The following MCF2L variants were observed in gnomAD, a reference collection of about 807,000 sequenced individuals.
MCF2L encodes the protein guanine nucleotide exchange factor DBS.
A neutral mutation model predicts 153.4 loss-of-function variants in MCF2L; 97 were observed. That is an observed-to-expected ratio of 0.63 (90% CI 0.54 to 0.75). The LOEUF is 0.75. Ranked by LOEUF, MCF2L falls within the 30% of genes least tolerant of loss-of-function variation. The pLI is 0.00. For missense variants in MCF2L, 1,347 were observed against 1,495.2 expected, an observed-to-expected ratio of 0.90 and a Z score of 1.64; for synonymous variants, 659 against 632.2, an observed-to-expected ratio of 1.04 and a Z score of -0.64.
chr13:113,095,655 G>A (rs933026218), intron 27 of MCF2L: 1 of 993,042 alleles, frequency 1.0e-6, no homozygotes, highest in African/African-American at 1.7e-5. Flanking sequence ...TCCTGCTCCA[G>A]GCCATCACGT....
rs61168799 is a variant in MCF2L at position 112,942,884 on chromosome 13, A to T, written c.169+40513A>T. 8.4e-3 allele frequency among the ~76,000 whole-genome samples: 1,283 copies of T among 152,220 alleles called. 23 individuals are homozygous for T. The highest frequency in any genetic ancestry group is 0.029 in the African/African-American group (1,202 of 41,540). On this transcript the variant is annotated intron_variant, in intron 2 of 29. Coordinates refer to the MCF2L transcript ENST00000375608. Reference sequence around the variant, plus strand: ...AAGTCCTTCTCCGCACCATCCCCACATGCCAGCAGAGGGTGCTGTTGGGCA... The same window carrying T: ...AAGTCCTTCTCCGCACCATCCCCACTTGCCAGCAGAGGGTGCTGTTGGGCA...
At chr13:113,048,671 TGA>T (rs1420640744) in intron 4 of MCF2L, among the ~76,000 whole-genome samples, 1 of 152,118 alleles carries the variant, frequency 6.6e-6, no homozygotes, top group African/African-American at 2.4e-5. Context: ...CTCAATCTCC[TGA>T]CCTCGTGATC....
intron 2 of MCF2L, among the ~76,000 whole-genome samples, chr13:112,922,172 A>C (rs2081359672): frequency 6.6e-6 from 1 of 152,182 alleles, no homozygotes. Context: ...AAACTCAATA[A>C]ATTTGAAAGC....
At chr13:112,900,521 A>G (rs1222062817) in intron 1 of MCF2L, among the ~76,000 whole-genome samples, 1 of 152,206 alleles carries the variant, frequency 6.6e-6, no homozygotes, top group Non-Finnish European at 1.5e-5. Flanking sequence ...TGAGTTGAAC[A>G]CTGAGGGGTG....
intron 1 of MCF2L, chr13:113,001,822 A>G: frequency 6.8e-7 from 1 of 1,466,604 alleles, no homozygotes; most frequent in Non-Finnish European, 9.0e-7. Flanking sequence ...TTCGCGGCCA[A>G]GATGGTGCTG....
At chr13:112,937,146 T>C (rs1442234946) in intron 2 of MCF2L, among the ~76,000 whole-genome samples, 1 of 152,168 alleles carries the variant, frequency 6.6e-6, no homozygotes, top group Non-Finnish European at 1.5e-5. Context: ...CTCTGCCTCC[T>C]GGGCTCAAGC....
intron 2 of MCF2L, among the ~76,000 whole-genome samples, chr13:113,019,136 A>G (rs1379628383): frequency 1.3e-5 from 2 of 151,886 alleles, no homozygotes; most frequent in East Asian, 3.9e-4. Flanking sequence ...CTCCCACCCC[A>G]TTTCGGTTTT....
At chr13:113,089,825 G>A (rs4907483) in intron 26 of MCF2L, 97 bp downstream of exon 26, 1,154,123 of 1,609,014 alleles carry the variant, frequency 0.72, 419,365 homozygotes, top group Non-Finnish European at 0.74. Context: ...TTCCTGCAGT[G>A]TGAAGAAGCT....
intron 2 of MCF2L, among the ~76,000 whole-genome samples, chr13:112,912,922 G>GGT (rs1395550191): frequency 6.7e-6 from 1 of 149,490 alleles, no homozygotes; most frequent in Non-Finnish European, 1.5e-5. Flanking sequence ...GTATGTATGG[G>GGT]GTGTGTCTGT....
chr13:113,039,424 C>T (rs1369070454), intron 3 of MCF2L, among the ~76,000 whole-genome samples: 1 of 151,992 alleles, frequency 6.6e-6, no homozygotes, highest in East Asian at 1.9e-4. Context: ...GTTTAAAAAG[C>T]AGTTATCAAA....
intron 2 of MCF2L, chr13:112,909,401 G>C: frequency 1.3e-6 from 1 of 744,942 alleles, no homozygotes; most frequent in South Asian, 1.4e-5. Context: ...TTGATCCCAA[G>C]GGGCTGTCTG....
Position 113,070,964 on chromosome 13 carries a change from G to T in MCF2L, c.996+791G>T, listed in dbSNP as rs1464415445. 1.3e-5 allele frequency among the ~76,000 whole-genome samples: 2 copies of T among 152,196 alleles called. No individual in the cohort carries two copies. Among genetic ancestry groups the T allele is most frequent in the Admixed American group, 1.3e-4 (2 of 15,288 alleles). ...TTAAGTGCCCAGAATGTAATTGCAG[G>T]GTTATATAGTAGTTGCATGTTTCGT... On this transcript the variant is annotated intron_variant, in intron 9 of 29. Transcript: ENST00000535094. This position sits in a 1 kb window ranked among gnomAD's most constrained non-coding sequence, Gnocchi z 5.6.
Position 112,951,985 on chromosome 13 carries a change from A to G in MCF2L, c.169+49614A>G, listed in dbSNP as rs1013848020. Among the ~76,000 whole-genome samples, 3 of 152,222 alleles carry G rather than the reference A, an allele frequency of 2.0e-5. No individual in the cohort carries two copies. Among genetic ancestry groups the G allele is most frequent in the Non-Finnish European group, 4.4e-5 (3 of 68,042 alleles). On this transcript the variant is annotated intron_variant, in intron 2 of 29. Coordinates refer to the MCF2L transcript ENST00000375608. The surrounding 1 kb of genome is among the most constrained non-coding windows in gnomAD (Gnocchi z 4.8). ...AGAATCACGTGAAGTGGGAAGAGGGAAAAGGGCTTTCCTTTTAGGGAATTA... is the reference window on the plus strand; with the variant it reads ...AGAATCACGTGAAGTGGGAAGAGGGGAAAGGGCTTTCCTTTTAGGGAATTA...
rs2081183975 is a variant in MCF2L, at chr13:112,907,431, G to T, written c.169+5060G>T. On this transcript the variant is annotated intron_variant, in intron 2 of 29. Transcript: ENST00000375608. This position sits in a 1 kb window ranked among gnomAD's most constrained non-coding sequence, Gnocchi z 5.1. ...GAGAATCCTCGGTGTTTGTGGCATG[G>T]ATCGTAGTCATGGCTTGGTGGAGAA... 6.6e-6 allele frequency among the ~76,000 whole-genome samples: 1 copy of T among 152,080 alleles called. No homozygotes were observed. Among genetic ancestry groups the T allele is most frequent in the East Asian group, 1.9e-4 (1 of 5,184 alleles).
In MCF2L at chr13:112,907,510, C is replaced by T. The variant is rs565328543; in HGVS notation, c.169+5139C>T. On this transcript the variant is annotated intron_variant, in intron 2 of 29. Coordinates refer to the MCF2L transcript ENST00000375608. The surrounding 1 kb of genome is among the most constrained non-coding windows in gnomAD (Gnocchi z 5.1). ...GCGGCTTGGTGGAGAATGGCTGAAT[C>T]CTGGCAACTGTGGCCTTTGCAGGGG... is the stretch of plus-strand genomic sequence containing the variant. Among the ~76,000 whole-genome samples the T allele has an allele frequency of 6.6e-6, 1 of 152,062 alleles. No individual in the cohort carries two copies. Among genetic ancestry groups the T allele is most frequent in the African/African-American group, 2.4e-5 (1 of 41,410 alleles).
chr13:112,914,599 A>G (rs1162471011), intron 2 of MCF2L, among the ~76,000 whole-genome samples: 1 of 152,216 alleles, frequency 6.6e-6, no homozygotes, highest in Admixed American at 6.5e-5. Flanking sequence ...GGCTCCCTGC[A>G]GAGGTGTCTG....
intron 26 of MCF2L, among the ~76,000 whole-genome samples, chr13:113,091,731 C>T (rs2035238602): frequency 6.6e-6 from 1 of 152,182 alleles, no homozygotes; most frequent in Non-Finnish European, 1.5e-5. Flanking sequence ...TGGCCCTTCT[C>T]GTTTCCTGCC....
At chr13:112,963,643 T>C (rs914115046) in intron 2 of MCF2L, among the ~76,000 whole-genome samples, 5 of 152,180 alleles carry the variant, frequency 3.3e-5, no homozygotes, top group Admixed American at 2.6e-4. Context: ...CCTGAAAAGA[T>C]GTGTTGAGTT....
intron 3 of MCF2L, among the ~76,000 whole-genome samples, chr13:113,033,505 G>A (rs922743387): frequency 3.0e-4 from 46 of 152,250 alleles, no homozygotes; most frequent in Middle Eastern, 3.4e-3. Context: ...GCCTGTTCGC[G>A]GGCATTTCGT....
Sources: allele counts gnomAD v4.1 joint callset (sites outside exome capture counted in the v4.1 genomes callset), GRCh38; gene constraint gnomAD v4.1.1; non-coding constraint Gnocchi (gnomAD v3.1); transcripts MANE v1.5; gene names NCBI Gene and HGNC (gene_info 2026-07-23, HGNC 2026-07-21).